The following ADAMTS12 variants were observed in gnomAD, a reference collection of about 807,000 sequenced individuals.
The protein encoded by ADAMTS12 is ADAM metallopeptidase with thrombospondin type 1 motif 12.
Under a neutral mutation model 167.8 loss-of-function variants are expected in ADAMTS12, and 118 were observed. The ratio of observed to expected loss-of-function variants is 0.70; its 90% CI spans 0.61 to 0.82. ADAMTS12 has a LOEUF of 0.82. Among genes scored for constraint, ADAMTS12 ranks in the 40% least tolerant of loss-of-function variants. The probability of loss-of-function intolerance (pLI) is 0.00; values close to 1 mark genes in which losing one functional copy is unlikely to be tolerated. For missense variants in ADAMTS12, 1,916 were observed against 1,998.8 expected (o/e 0.96, Z 0.79); for synonymous variants, 704 against 716.9 (o/e 0.98, Z 0.29).
At chr5:33,693,696 C>T (rs911416042) in intron 3 of ADAMTS12, among the ~76,000 whole-genome samples, 6 of 152,208 alleles carry the variant, frequency 3.9e-5, no homozygotes, top group African/African-American at 1.2e-4. Context: ...CTATGATATA[C>T]CCACAGCTAA....
At chr5:33,624,438 G>A in intron 13 of ADAMTS12, 87 bp from the exon 14 acceptor site, 1 of 1,571,420 alleles carries the variant, frequency 6.4e-7, no homozygotes, top group African/African-American at 1.3e-5. Context: ...CCCCTTTGGT[G>A]CTTCATAAGA....
intron 2 of ADAMTS12, among the ~76,000 whole-genome samples, chr5:33,874,961 G>A (rs530898600): frequency 2.1e-4 from 32 of 152,218 alleles, no homozygotes; most frequent in Admixed American, 1.5e-3. Flanking sequence ...CTGGCTACTC[G>A]GGAGGCTGAC....
chr5:33,698,054 C>A (rs1426865768), intron 3 of ADAMTS12, among the ~76,000 whole-genome samples: 1 of 152,188 alleles, frequency 6.6e-6, no homozygotes, highest in East Asian at 1.9e-4. Context: ...CAGAATGCAA[C>A]TAGGCGGAGG....
chr5:33,686,276 T>A (rs1383256768), intron 3 of ADAMTS12, among the ~76,000 whole-genome samples: 1 of 152,122 alleles, frequency 6.6e-6, no homozygotes, highest in Non-Finnish European at 1.5e-5. Context: ...AGGCTTCAGC[T>A]CACCTCAGCA....
At chr5:33,642,468 G>A (rs1295816975) in intron 10 of ADAMTS12, among the ~76,000 whole-genome samples, 5 of 152,008 alleles carry the variant, frequency 3.3e-5, no homozygotes, top group Admixed American at 6.6e-5. Flanking sequence ...CAATTTCACT[G>A]CCAAAACACA....
chr5:33,835,951 CTCTG>C (rs745650359), intron 2 of ADAMTS12, among the ~76,000 whole-genome samples: 964 of 37,454 alleles, frequency 0.026, 8 homozygotes, highest in Middle Eastern at 0.08. Context: ...CTCTCTCTCT[CTCTG>C]TGTGTGTGTG....
At chr5:33,648,761 C>T (rs1740770510) in intron 9 of ADAMTS12, 61 bp downstream of exon 9, 3 of 1,596,234 alleles carry the variant, frequency 1.9e-6, no homozygotes, top group African/African-American at 2.7e-5. Context: ...TTGTCCTGGC[C>T]CTTCCTTCAG....
intron 2 of ADAMTS12, among the ~76,000 whole-genome samples, chr5:33,817,778 CAAAT>C (rs1747720733): frequency 6.6e-6 from 1 of 152,074 alleles, no homozygotes; most frequent in Admixed American, 6.6e-5. Flanking sequence ...TTTAATTTAT[CAAAT>C]AGTCAGTCAG....
chr5:33,580,440 T>C (rs1416007033), intron 18 of ADAMTS12, among the ~76,000 whole-genome samples: 1 of 94,470 alleles, frequency 1.1e-5, no homozygotes, highest in Admixed American at 1.1e-4. Context: ...ACAGCTCCCA[T>C]GATCTAATCA....
At chr5:33,741,487 T>C (rs7715751) in intron 3 of ADAMTS12, among the ~76,000 whole-genome samples, 7,981 of 152,216 alleles carry the variant, frequency 0.052, 725 homozygotes, top group African/African-American at 0.18. Flanking sequence ...TGTCTCCAAA[T>C]ACTGTCACAT....
At position 33,534,822 on chromosome 5, in the gene ADAMTS12, C is replaced by T. The variant is rs922458126; in HGVS notation, c.4606+11G>A. Reference sequence around the variant, plus strand: ...AGATCTCTTTCTCCCCGAGCAAACCCATTCACCCACCGGCACTTTTCTTGC... The same window carrying T: ...AGATCTCTTTCTCCCCGAGCAAACCTATTCACCCACCGGCACTTTTCTTGC... On this transcript the variant is annotated intron_variant, in intron 23 of 23. Coordinates refer to ENST00000504830, the MANE Select transcript of ADAMTS12 (RefSeq NM_030955.4). 1 of 1,608,734 alleles carries T rather than the reference C, an allele frequency of 6.2e-7. No homozygotes were observed. The highest frequency in any genetic ancestry group is 1.7e-5 in the Admixed American group (1 of 58,896).
chr5:33,826,370 TA>T (rs928849702), intron 2 of ADAMTS12, among the ~76,000 whole-genome samples: 1 of 151,932 alleles, frequency 6.6e-6, no homozygotes, highest in African/African-American at 2.4e-5. Context: ...AAAATGTTAA[TA>T]AAAAATAGTA....
intron 17 of ADAMTS12, among the ~76,000 whole-genome samples, chr5:33,594,017 C>T (rs1303313444): frequency 6.6e-6 from 1 of 152,112 alleles, no homozygotes; most frequent in Non-Finnish European, 1.5e-5. Context: ...AAATAAAAAG[C>T]ACTTTTGTAA....
chr5:33,721,060 C>T (rs2112335252), intron 3 of ADAMTS12, among the ~76,000 whole-genome samples: 1 of 152,200 alleles, frequency 6.6e-6, no homozygotes, highest in Admixed American at 6.5e-5. Context: ...GATATGCAAC[C>T]ACATCTAATA....
chr5:33,786,743 C>T (rs1746342264), intron 2 of ADAMTS12, among the ~76,000 whole-genome samples: 1 of 152,178 alleles, frequency 6.6e-6, no homozygotes, highest in Non-Finnish European at 1.5e-5. Flanking sequence ...AGCACTGTGG[C>T]AGTGCAACGT....
At chr5:33,863,781 T>C (rs1210013488) in intron 2 of ADAMTS12, among the ~76,000 whole-genome samples, 1 of 151,958 alleles carries the variant, frequency 6.6e-6, no homozygotes. Context: ...AGCTGGAAGC[T>C]TCACACTACC....
At chr5:33,837,671 A>G (rs1030647304) in intron 2 of ADAMTS12, among the ~76,000 whole-genome samples, 2 of 152,164 alleles carry the variant, frequency 1.3e-5, no homozygotes, top group African/African-American at 4.8e-5. Context: ...GTGCATGATG[A>G]TTTTGTAAAA....
chr5:33,806,800 A>G (rs919298636), intron 2 of ADAMTS12, among the ~76,000 whole-genome samples: 2 of 152,150 alleles, frequency 1.3e-5, no homozygotes, highest in Admixed American at 6.5e-5. Flanking sequence ...CATCCTATTT[A>G]TCCTGTTCAC....
At chr5:33,854,099 C>A (rs2910630) in intron 2 of ADAMTS12, among the ~76,000 whole-genome samples, 3,056 of 152,280 alleles carry the variant, frequency 0.02, 146 homozygotes, top group East Asian at 0.2. Context: ...AATCAGTCAT[C>A]TTATACTGAA....
Sources: allele counts gnomAD v4.1 joint callset (sites outside exome capture counted in the v4.1 genomes callset), GRCh38; gene constraint gnomAD v4.1.1; transcripts MANE v1.5; gene names NCBI Gene and HGNC (gene_info 2026-07-23, HGNC 2026-07-21).